AKAP8: variants seen among roughly 807,000 people sequenced by gnomAD.
AKAP8 encodes the protein A-kinase anchor protein 8.
AKAP8 carries 24 observed loss-of-function variants against 67.5 expected under a neutral mutation model. The ratio of observed to expected loss-of-function variants is 0.36; its 90% CI spans 0.26 to 0.50. The LOEUF is 0.50. AKAP8 is among the 20% of genes least tolerant of loss of function. The pLI is 0.97. For missense variants in AKAP8, 971 were observed against 955.9 expected (o/e 1.02, Z -0.21); for synonymous variants, 400 against 371.1 (o/e 1.08, Z -0.90).
chr19:15,372,994 G>GGGAGGGCCCTCC lies in AKAP8; in HGVS notation c.706_717dup (p.Gly236_Ser239dup), dbSNP rs771680798. The GGGAGGGCCCTCC allele has an allele frequency of 7.0e-6, 11 of 1,567,956 alleles. No homozygotes were observed. In the South Asian group the frequency reaches 1.3e-4, roughly 18 times the overall value. ...AAGAGGGACGGAGGTGGCCGGCTGGGGGAGGGCCCTCCCAGGCCCCGTCCA... is the reference window on the plus strand; with the variant it reads ...AAGAGGGACGGAGGTGGCCGGCTGGGGGAGGGCCCTCCGGAGGGCCCTCCCAGGCCCCGTCCA... On this transcript the variant is annotated inframe_insertion, in exon 5 of 14. Transcript: ENST00000269701.
In AKAP8 at chr19:15,373,244, G is replaced by A. The variant is rs773627639; in HGVS notation, c.468C>T (p.Phe156=). The change falls in exon 5 of 14, where the codon TTC becomes TTT. Residue 156 remains phenylalanine, a synonymous_variant. Transcript: ENST00000269701. ...TGCCATTGCGGTCGGACCCCAGGTC[G>A]AACTCATAGTCGTAGCTGTAGCTGG... The part of the protein sequence containing the change: ...YRPSYSYDYE[F]DLGSDRNGSF... 7 of 1,613,892 alleles carry A rather than the reference G, an allele frequency of 4.3e-6. No individual in the cohort carries two copies. The South Asian group carries it at 4.4e-5, about 10-fold the overall frequency.
Position 15,369,062 on chromosome 19 carries a change from C to T in AKAP8, c.1073-740G>A, listed in dbSNP as rs1313242786. ...TTGGAGAAGCATCTGAACTGTAACC[C>T]CTACCCCTGATGCCAGTCCCGAGAC... On this transcript the variant is annotated intron_variant, in intron 8 of 13. Coordinates refer to ENST00000269701, the MANE Select transcript of AKAP8 (RefSeq NM_005858.4). This position sits in a 1 kb window ranked among gnomAD's most constrained non-coding sequence, Gnocchi z 4.6. 2.0e-6 allele frequency: 2 copies of T among 985,490 alleles called. No homozygotes were observed. Among genetic ancestry groups the T allele is most frequent in the African/African-American group, 1.7e-5 (1 of 57,230 alleles). The allele number at this position is 985,490 out of a possible 1,614,324, so 61.0% of individuals were successfully genotyped here.
At chr19:15,368,875 C>T in intron 8 of AKAP8, 1 of 985,306 alleles carries the variant, frequency 1.0e-6, no homozygotes, top group Non-Finnish European at 1.2e-6. Context: ...AACCGTCAAT[C>T]TAGGGCTTTC....
intron 7 of AKAP8, 136 bp downstream of exon 7, chr19:15,371,815 TA>T: frequency 3.1e-6 from 3 of 976,222 alleles, no homozygotes; most frequent in South Asian, 3.1e-5. Context: ...GAAATCTAGC[TA>T]AAAGTCAGGG....
chr19:15,358,405 A>G (rs1232105601), intron 13 of AKAP8, among the ~76,000 whole-genome samples: 1 of 149,274 alleles, frequency 6.7e-6, no homozygotes, highest in Non-Finnish European at 1.5e-5. Context: ...CCTGGGCTGG[A>G]GTGTAGTGGC....
At chr19:15,361,860 G>A (rs768546802) in intron 10 of AKAP8, 38 bp from the exon 11 acceptor site, 48 of 1,575,170 alleles carry the variant, frequency 3.0e-5, no homozygotes, top group Non-Finnish European at 4.2e-5. Flanking sequence ...TAAAATGAGA[G>A]GTGGGCGCAT....
At chr19:15,371,894 T>G (rs1599569148) in intron 7 of AKAP8, 58 bp downstream of exon 7, 1 of 1,574,354 alleles carries the variant, frequency 6.4e-7, no homozygotes, top group Non-Finnish European at 8.7e-7. Context: ...TGAGGAAGGG[T>G]GATTAAAGAA....
Position 15,369,303 on chromosome 19 carries a change from C to G in AKAP8, c.1072+843G>C. On this transcript the variant is annotated intron_variant, in intron 8 of 13. Transcript: ENST00000269701. The surrounding 1 kb of genome is among the most constrained non-coding windows in gnomAD (Gnocchi z 4.6). ...GGGGCGCCCCGTGCTATGGACAGGA[C>G]TGCTGCGGGTCGCGGGGGGGAGGAC... The G allele has an allele frequency of 1.5e-5, 15 of 981,360 alleles. No homozygotes were observed. Among genetic ancestry groups the G allele is most frequent in the Non-Finnish European group, 1.8e-5 (15 of 826,174 alleles). The allele number at this position is 981,360 out of a possible 1,614,324, so 60.8% of individuals were successfully genotyped here. A position where few individuals can be genotyped will look rare whatever the true frequency, so the allele number is the denominator to read the frequency against.
At chr19:15,368,468 A>G in intron 8 of AKAP8, 146 bp from the exon 9 acceptor site, 2 of 1,536,542 alleles carry the variant, frequency 1.3e-6, no homozygotes, top group South Asian at 2.5e-5. Context: ...GGATGCCCCA[A>G]GGCACTGTCA....
chr19:15,361,107 G>T, intron 11 of AKAP8, 129 bp from the exon 12 acceptor site: 1 of 1,204,062 alleles, frequency 8.3e-7, no homozygotes, highest in Non-Finnish European at 1.1e-6. Flanking sequence ...CCTTTCTATG[G>T]GGAGTATGGG....
intron 12 of AKAP8, 47 bp downstream of exon 12, chr19:15,360,801 G>A (rs775088204): frequency 9.5e-6 from 15 of 1,580,154 alleles, no homozygotes; most frequent in South Asian, 8.0e-5. Context: ...GCTCTGAGCC[G>A]CAGCCCTGCA....
At chr19:15,374,760 G>T in intron 2 of AKAP8, 125 bp from the exon 3 acceptor site, 3 of 1,091,166 alleles carry the variant, frequency 2.7e-6, no homozygotes, top group Non-Finnish European at 4.0e-6. Context: ...CGCTCAGGGA[G>T]ACACCCTTGG....
At chr19:15,375,200 G>A (rs1019951262) in intron 2 of AKAP8, among the ~76,000 whole-genome samples, 6 of 152,084 alleles carry the variant, frequency 3.9e-5, no homozygotes, top group African/African-American at 1.2e-4. Context: ...CCTAAAACAC[G>A]GGCTGGCAGA....
At position 15,372,940 on chromosome 19, in the gene AKAP8, C is replaced by G. The variant is rs144582281; in HGVS notation, c.772G>C (p.Val258Leu). Residue 258 changes from valine (V) to leucine (L), a missense_variant, in exon 5 of 14, where the codon GTG (valine) becomes CTG (leucine). Val to Leu is a conservative substitution (Grantham distance 32). Coordinates refer to ENST00000269701, the MANE Select transcript of AKAP8 (RefSeq NM_005858.4). ...CCGCCCGCCCCCTGCATGCCCATCA[C>G]GCCGTAGTCGGGAGCCATGGACTGG... ...FSQSMAPDYG[V>L]MGMQGAGGYD... 7.0e-5 allele frequency: 108 copies of G among 1,538,334 alleles called. No individual in the cohort carries two copies. Among genetic ancestry groups the G allele is most frequent in the Admixed American group, 2.1e-5 (1 of 48,450 alleles).
intron 11 of AKAP8, 55 bp from the exon 12 acceptor site, chr19:15,361,033 C>G: frequency 1.9e-6 from 3 of 1,589,186 alleles, no homozygotes; most frequent in Non-Finnish European, 2.6e-6. Context: ...TGCTTTCCTC[C>G]TACTCCCCAT....
At chr19:15,368,812 C>CTCAGCA in intron 8 of AKAP8, 3 of 985,328 alleles carry the variant, frequency 3.0e-6, no homozygotes, top group Non-Finnish European at 3.6e-6. Context: ...GAACTAGGGC[C>CTCAGCA]TCAGCAGGTC....
At position 15,354,692 on chromosome 19, in the gene AKAP8, C is replaced by G. The variant is rs2048265418; in HGVS notation, c.*223G>C. 2 of 587,710 alleles carry G rather than the reference C, an allele frequency of 3.4e-6. No homozygotes were observed. Among genetic ancestry groups the G allele is most frequent in the Non-Finnish European group, 6.0e-6 (2 of 331,714 alleles). The allele number at this position is 587,710 out of a possible 1,614,324, so 36.4% of individuals were successfully genotyped here. On this transcript the variant is annotated 3_prime_UTR_variant, in exon 14 of 14. Transcript: ENST00000269701. ...ACTGTCAAGAGACATGTTACAGCCG[C>G]TAAGGACAATGTACTTCAGCTTTGA...
Position 15,354,923 on chromosome 19 carries a change from T to TG in AKAP8, c.2070dup (p.Thr691HisfsTer39). On this transcript the variant is annotated frameshift_variant, in exon 14 of 14. Transcript: ENST00000269701. LOFTEE classifies it high-confidence loss of function. ...GAACAGGGAAATGAGCATCATTCTGTGGGAACAGCGTCTTTAGACTCTGCA... is the reference window on the plus strand; with the variant it reads ...GAACAGGGAAATGAGCATCATTCTGTGGGGAACAGCGTCTTTAGACTCTGCA... 1 of 1,613,620 alleles carries TG rather than the reference T, an allele frequency of 6.2e-7. No individual in the cohort carries two copies. Among genetic ancestry groups the TG allele is most frequent in the East Asian group, 2.2e-5 (1 of 44,874 alleles).
intron 8 of AKAP8, chr19:15,368,945 C>G: frequency 1.0e-6 from 1 of 985,968 alleles, no homozygotes; most frequent in Non-Finnish European, 1.2e-6. Flanking sequence ...ATTGGTCCTC[C>G]CGTCCGTCCC....
Sources: gnomAD v4.1 joint callset for allele counts (sites outside exome capture counted in the v4.1 genomes callset) on GRCh38, gnomAD v4.1.1 for gene constraint, Gnocchi (gnomAD v3.1) non-coding constraint, MANE v1.5 for transcripts, NCBI Gene and HGNC (gene_info 2026-07-23, HGNC 2026-07-21) for gene names.